KCNAB2: variants seen among roughly 807,000 people sequenced by gnomAD.
KCNAB2 encodes the protein voltage-gated potassium channel subunit beta-2.
KCNAB2 carries 29 observed loss-of-function variants against 63.6 expected under a neutral mutation model. That is an observed-to-expected ratio of 0.46 (90% CI 0.34 to 0.62). The LOEUF (loss-of-function observed/expected upper bound fraction) is 0.62, where lower values mean the gene tolerates loss of function less well. Ranked by LOEUF, KCNAB2 falls within the 20% of genes least tolerant of loss-of-function variation. KCNAB2 has a pLI of 0.01. For missense variants in KCNAB2, 359 were observed against 563.9 expected (o/e 0.64, Z 3.68); for synonymous variants, 222 against 224.2 (o/e 0.99, Z 0.09).
intron 4 of KCNAB2, among the ~76,000 whole-genome samples, chr1:6,075,856 C>T (rs1467897638): frequency 2.0e-5 from 3 of 152,250 alleles, no homozygotes; most frequent in Non-Finnish European, 4.4e-5. Context: ...TCACCCCAAA[C>T]AGGAGCTCTG....
chr1:6,079,266 C>T (rs1184529414), intron 4 of KCNAB2, among the ~76,000 whole-genome samples: 1 of 151,934 alleles, frequency 6.6e-6, no homozygotes, highest in East Asian at 1.9e-4. Flanking sequence ...CAGTCTTTGT[C>T]GGCCGCACTT....
chr1:6,045,882 A>G, upstream of KCNAB2: 1 of 985,412 alleles, frequency 1.0e-6, no homozygotes, highest in Non-Finnish European at 1.2e-6. This position sits in a 1 kb window ranked among gnomAD's most constrained non-coding sequence, Gnocchi z 4.8. Flanking sequence ...AACCCCACGC[A>G]CCGGGAGTCA....
At chr1:6,033,919 C>A (rs1017620991), upstream of KCNAB2, among the ~76,000 whole-genome samples, 1 of 152,206 alleles carries the variant, frequency 6.6e-6, no homozygotes, top group African/African-American at 2.4e-5. Context: ...ACACGCAGAC[C>A]AAGTGGAAGT....
At position 6,024,095 on chromosome 1, in the gene KCNAB2, C is replaced by T. The variant is rs974353482; in HGVS notation, c.-52-16422C>T. 2.0e-5 allele frequency among the ~76,000 whole-genome samples: 3 copies of T among 152,178 alleles called. No individual in the cohort carries two copies. The highest frequency in any genetic ancestry group is 6.5e-5 in the Admixed American group (1 of 15,282). ...TAGCTGGGATTACAGGCGCCCACCACCATGTCCAGCTAATTTTTGTATTTT... is the reference window on the plus strand; with the variant it reads ...TAGCTGGGATTACAGGCGCCCACCATCATGTCCAGCTAATTTTTGTATTTT... On this transcript the variant is annotated intron_variant, in intron 1 of 16. Coordinates refer to the KCNAB2 transcript ENST00000341524. The surrounding 1 kb of genome is among the most constrained non-coding windows in gnomAD (Gnocchi z 5.4).
At chr1:6,036,523 G>A in intron 1 of KCNAB2, among the ~76,000 whole-genome samples, 1 of 152,160 alleles carries the variant, frequency 6.6e-6, no homozygotes, top group East Asian at 1.9e-4. Flanking sequence ...AAAAGAAACT[G>A]TGTTTTTTGT....
chr1:6,018,373 T>A (rs1303941386), intron 1 of KCNAB2, among the ~76,000 whole-genome samples: 2 of 152,218 alleles, frequency 1.3e-5, no homozygotes, highest in Non-Finnish European at 2.9e-5. Context: ...TGCTGTGTAC[T>A]GAATGTTTCT....
chr1:6,017,273 T>C (rs1658561424), intron 1 of KCNAB2, among the ~76,000 whole-genome samples: 1 of 152,046 alleles, frequency 6.6e-6, no homozygotes, highest in African/African-American at 2.4e-5. Context: ...TTTTTTGAGA[T>C]GAGGTCTCAC....
At chr1:6,008,757 A>G (rs517183) in intron 1 of KCNAB2, among the ~76,000 whole-genome samples, 64,159 of 151,968 alleles carry the variant, frequency 0.42, 14,055 homozygotes, top group East Asian at 0.6. Flanking sequence ...CCCCCGAACC[A>G]CCACCCCAGA....
At chr1:6,059,879 G>A (rs1254728557) in intron 2 of KCNAB2, among the ~76,000 whole-genome samples, 3 of 152,146 alleles carry the variant, frequency 2.0e-5, no homozygotes, top group Non-Finnish European at 4.4e-5. Context: ...CACACACATG[G>A]CCTGCAGGAG....
At chr1:6,020,899 A>G (rs1421110647) in intron 1 of KCNAB2, among the ~76,000 whole-genome samples, 5 of 152,064 alleles carry the variant, frequency 3.3e-5, no homozygotes. Context: ...ACCTCAGGTG[A>G]TCTGCCCGCC....
At chr1:6,097,999 C>T (rs559545892) in intron 15 of KCNAB2, 1 of 194,756 alleles carries the variant, frequency 5.1e-6, no homozygotes, top group Non-Finnish European at 9.6e-6. Flanking sequence ...GCTGCGGGTC[C>T]GAGACGGGAG....
chr1:6,098,410 C>A (rs1010542780), intron 15 of KCNAB2, 75 bp from the exon 16 acceptor site: 1 of 1,588,650 alleles, frequency 6.3e-7, no homozygotes, highest in Non-Finnish European at 8.6e-7. Flanking sequence ...TCTGGAAGAG[C>A]CTGGCCCCAC....
At chr1:6,032,450 G>A (rs1279878091), upstream of KCNAB2, among the ~76,000 whole-genome samples, 2 of 151,986 alleles carry the variant, frequency 1.3e-5, no homozygotes, top group African/African-American at 4.8e-5. Context: ...GGTGGCACGC[G>A]CCTGTAGTCC....
intron 5 of KCNAB2, among the ~76,000 whole-genome samples, chr1:6,082,870 C>G (rs183862674): frequency 4.4e-4 from 67 of 152,358 alleles, no homozygotes; most frequent in African/African-American, 1.3e-3. Context: ...CTTCTGCCCC[C>G]CTCCTGCCTG....
chr1:6,040,786 G>T, intron 2 of KCNAB2: 1 of 608,886 alleles, frequency 1.6e-6, no homozygotes. Flanking sequence ...ACGGGGTTTT[G>T]AGGTGCACGC....
intron 1 of KCNAB2, among the ~76,000 whole-genome samples, chr1:6,047,517 C>G (rs1391558019): frequency 6.6e-6 from 1 of 151,968 alleles, no homozygotes; most frequent in Non-Finnish European, 1.5e-5. Context: ...GCATGGGAGT[C>G]CCCCCCACAC....
At chr1:6,067,978 C>G (rs552732022) in intron 2 of KCNAB2, among the ~76,000 whole-genome samples, 3 of 152,274 alleles carry the variant, frequency 2.0e-5, no homozygotes, top group African/African-American at 7.2e-5. Flanking sequence ...TTGCAGTGAA[C>G]CAAGATCACG....
At position 6,087,074 on chromosome 1, in the gene KCNAB2, C is replaced by G. The variant is rs2281304; in HGVS notation, c.426-393C>G. 0.11 allele frequency among the ~76,000 whole-genome samples: 16,588 copies of G among 152,128 alleles called. 987 individuals carry two copies. The highest frequency in any genetic ancestry group is 0.19 in the East Asian group (988 of 5,136). Reference sequence around the variant, plus strand: ...CCGCCCCTGCCCCCTGGCCCACACCCGGCCTCCTCCAGCCTTGGCTCTTGC... The same window carrying G: ...CCGCCCCTGCCCCCTGGCCCACACCGGGCCTCCTCCAGCCTTGGCTCTTGC... On this transcript the variant is annotated intron_variant, in intron 6 of 15. Transcript: ENST00000378083. The surrounding 1 kb of genome is among the most constrained non-coding windows in gnomAD (Gnocchi z 6.4).
Position 6,096,466 on chromosome 1 carries a change from T to G in KCNAB2, c.949-170T>G. On this transcript the variant is annotated intron_variant, in intron 13 of 15. Transcript: ENST00000378083. The surrounding 1 kb of genome is among the most constrained non-coding windows in gnomAD (Gnocchi z 5.9). ...CCCGTGCCCGGCCCACTGCCCACTC[T>G]CCCCTACTTGAGAGGCCTGGGGCAG... 1 of 874,342 alleles carries G rather than the reference T, an allele frequency of 1.1e-6. No individual in the cohort carries two copies. Among genetic ancestry groups the G allele is most frequent in the East Asian group, 2.8e-5 (1 of 36,200 alleles). 54.2% of individuals were successfully genotyped at this position (874,342 alleles called of 1,614,324 possible). A position where few individuals can be genotyped will look rare whatever the true frequency, so the allele number is the denominator to read the frequency against.
Sources: gnomAD v4.1 joint callset for allele counts (sites outside exome capture counted in the v4.1 genomes callset) on GRCh38, gnomAD v4.1.1 for gene constraint, Gnocchi (gnomAD v3.1) non-coding constraint, MANE v1.5 for transcripts, NCBI Gene and HGNC (gene_info 2026-07-23, HGNC 2026-07-21) for gene names.